The following PPM1D variants were observed in gnomAD, a reference collection of about 807,000 sequenced individuals.
PPM1D encodes the protein protein phosphatase 1D.
A neutral mutation model predicts 58.3 loss-of-function variants in PPM1D; 52 were observed. That is an observed-to-expected ratio of 0.89 (90% CI 0.71 to 1.12). The LOEUF is 1.12. Among genes scored for constraint, PPM1D ranks in the 50% most tolerant of loss-of-function variants. The pLI is 0.00. For synonymous variants in PPM1D, 278 were observed against 285.1 expected (o/e 0.98, Z 0.25); for missense variants, 564 against 777.2 (o/e 0.73, Z 3.26).
chr17:60,630,274 C>T (rs534892748), intron 2 of PPM1D, among the ~76,000 whole-genome samples: 2 of 151,910 alleles, frequency 1.3e-5, no homozygotes, highest in East Asian at 1.9e-4. Context: ...TTAAAAATAC[C>T]TTTCTTGACT....
intron 1 of PPM1D, among the ~76,000 whole-genome samples, chr17:60,614,034 C>T (rs1295193340): frequency 2.1e-5 from 1 of 47,058 alleles, no homozygotes; most frequent in African/African-American, 3.1e-5. Flanking sequence ...GCGCAAGGCC[C>T]GGGACTGGCA....
In PPM1D at chr17:60,663,461, T is replaced by G. The variant is rs372286382; in HGVS notation, c.1727T>G (p.Val576Gly). The G allele has an allele frequency of 3.7e-6, 6 of 1,614,048 alleles. No homozygotes were observed. The African/African-American group carries it at 6.7e-5, about 18-fold the overall frequency. The change falls in exon 6 of 6, where the codon GTT becomes GGT. Residue 576 changes from valine to glycine, a missense_variant. Around this residue, in one of 7 missense-constraint regions of PPM1D, gnomAD observed 261 missense variants for 270.1 expected, o/e 0.97. Coordinates refer to ENST00000305921, the MANE Select transcript of PPM1D (RefSeq NM_003620.4). ...ACAACCTCACAGCGAAAGAACTCTG[T>G]TAAACTCACCATGCGACGCAGACTT... is the stretch of plus-strand genomic sequence containing the variant. ...LPTTSQRKNS[V>G]KLTMRRRLRG...
intron 3 of PPM1D, among the ~76,000 whole-genome samples, chr17:60,645,622 A>G (rs1449644256): frequency 6.5e-5 from 9 of 139,124 alleles, no homozygotes; most frequent in African/African-American, 2.2e-4. Flanking sequence ...GTATATATAT[A>G]TGTATATGTA....
At chr17:60,629,868 T>C (rs1446453966) in intron 2 of PPM1D, among the ~76,000 whole-genome samples, 1 of 152,210 alleles carries the variant, frequency 6.6e-6, no homozygotes, top group South Asian at 2.1e-4. Context: ...CGAAACCCTA[T>C]CTCTACTAAA....
Position 60,656,723 on chromosome 17 carries a change from A to G in PPM1D, c.1142A>G (p.Asn381Ser), listed in dbSNP as rs781460776. The G allele has an allele frequency of 6.2e-7, 1 of 1,614,198 alleles. No individual in the cohort carries two copies. The highest frequency in any genetic ancestry group is 8.5e-7 in the Non-Finnish European group (1 of 1,180,046). Residue 381 changes from asparagine to serine, a missense_variant, in exon 5 of 6, where the codon AAT (asparagine) becomes AGT (serine). By Grantham distance (46) the Asn-to-Ser change is conservative (BLOSUM62 1). This residue lies in a region of PPM1D where 261 missense variants were observed against 270.1 expected (regional missense o/e 0.97). Coordinates refer to ENST00000305921, the MANE Select transcript of PPM1D (RefSeq NM_003620.4). Reference protein sequence around the residue: ...IVICISPEVDNQGNFTNEDEL... With the variant: ...IVICISPEVDSQGNFTNEDEL... ...ATCTGCATCTCTCCAGAAGTGGACA[A>G]TCAGGGAAACTTTACCAATGAAGAT...
At chr17:60,626,367 G>A (rs2030807550) in intron 2 of PPM1D, among the ~76,000 whole-genome samples, 1 of 150,654 alleles carries the variant, frequency 6.6e-6, no homozygotes, top group African/African-American at 2.4e-5. Flanking sequence ...AAAAAGAGGT[G>A]TCTCAATGAT....
chr17:60,612,702 A>G (rs563250014), intron 1 of PPM1D, among the ~76,000 whole-genome samples: 143 of 152,314 alleles, frequency 9.4e-4, no homozygotes, highest in African/African-American at 3.3e-3. Flanking sequence ...TAGCAGTTTC[A>G]TCAGGGTCTT....
At chr17:60,606,200 GTTCA>G (rs2030326817) in intron 1 of PPM1D, among the ~76,000 whole-genome samples, 2 of 152,146 alleles carry the variant, frequency 1.3e-5, no homozygotes, top group South Asian at 4.1e-4. Context: ...TGTCTTTAGA[GTTCA>G]TTCATATTGT....
intron 3 of PPM1D, among the ~76,000 whole-genome samples, chr17:60,639,135 G>A (rs1286927089): frequency 1.3e-5 from 2 of 151,962 alleles, no homozygotes; most frequent in East Asian, 3.9e-4. Context: ...TTTTTTTTGA[G>A]ACTGAGTTTT....
intron 1 of PPM1D, among the ~76,000 whole-genome samples, chr17:60,620,094 G>A (rs1438654712): frequency 6.6e-6 from 1 of 152,066 alleles, no homozygotes; most frequent in Admixed American, 6.6e-5. Context: ...CACCCCCTGG[G>A]TTCAAACTAT....
chr17:60,609,810 T>C (rs923634189), intron 1 of PPM1D, among the ~76,000 whole-genome samples: 4 of 152,226 alleles, frequency 2.6e-5, no homozygotes, highest in African/African-American at 9.6e-5. Context: ...GCTGGCATAT[T>C]GTTATACTTG....
intron 1 of PPM1D, among the ~76,000 whole-genome samples, chr17:60,607,486 C>G (rs978470921): frequency 5.9e-5 from 9 of 152,132 alleles, no homozygotes; most frequent in African/African-American, 2.2e-4. Flanking sequence ...GAGACTCTGT[C>G]TCTGGGGTTT....
At chr17:60,643,972 C>T (rs2031189218) in intron 3 of PPM1D, among the ~76,000 whole-genome samples, 1 of 148,914 alleles carries the variant, frequency 6.7e-6, no homozygotes, top group Admixed American at 6.8e-5. Context: ...GCTATGTCCG[C>T]TTTCTGGGGT....
Position 60,600,515 on chromosome 17 carries a change from C to A in PPM1D, c.101C>A (p.Thr34Lys). ...CAAATCGTTGTGGAGCCCGAACCGA[C>A]GGCTGAAGAAAAGCCCTCGCCGCGG... Reference protein sequence around the residue: ...VTQIVVEPEPTAEEKPSPRRS... With the variant: ...VTQIVVEPEPKAEEKPSPRRS... The change falls in exon 1 of 6, where the codon ACG (threonine) becomes AAG (lysine). Residue 34 changes from threonine (T) to lysine (K), a missense_variant. By Grantham distance (78) the Thr-to-Lys change is moderately conservative (BLOSUM62 -1). Coordinates refer to ENST00000305921, the MANE Select transcript of PPM1D (RefSeq NM_003620.4). 6.4e-7 allele frequency: 1 copy of A among 1,565,904 alleles called. No homozygotes were observed.
intron 4 of PPM1D, among the ~76,000 whole-genome samples, chr17:60,651,299 C>A (rs760841731): frequency 5.9e-5 from 9 of 152,034 alleles, no homozygotes; most frequent in Non-Finnish European, 1.0e-4. Flanking sequence ...GAGATTAATG[C>A]TGCCTTTAAT....
intron 1 of PPM1D, among the ~76,000 whole-genome samples, chr17:60,601,644 C>T (rs759921979): frequency 6.6e-6 from 1 of 152,052 alleles, no homozygotes; most frequent in Non-Finnish European, 1.5e-5. Flanking sequence ...CCGGTTGTTC[C>T]TAGTTTAAAA....
chr17:60,645,092 G>A (rs982852493), intron 3 of PPM1D, among the ~76,000 whole-genome samples: 4 of 152,140 alleles, frequency 2.6e-5, no homozygotes, highest in South Asian at 4.1e-4. Context: ...GGTGTCTAAC[G>A]CCTGTAATCC....
chr17:60,632,990 CAAAA>C (rs923440640), intron 2 of PPM1D, among the ~76,000 whole-genome samples: 1 of 151,142 alleles, frequency 6.6e-6, no homozygotes, highest in Admixed American at 6.6e-5. Flanking sequence ...TAAAAATAAA[CAAAA>C]AAACTGGCTG....
chr17:60,651,152 T>C (rs1308899671), intron 4 of PPM1D, among the ~76,000 whole-genome samples: 2 of 151,970 alleles, frequency 1.3e-5, no homozygotes, highest in African/African-American at 2.4e-5. Flanking sequence ...TGGAAAATGG[T>C]TTATATAATT....
Sources: allele counts gnomAD v4.1 joint callset (sites outside exome capture counted in the v4.1 genomes callset), GRCh38; gene constraint gnomAD v4.1.1; regional missense constraint gnomAD v4.1.1; transcripts MANE v1.5; gene names NCBI Gene and HGNC (gene_info 2026-07-23, HGNC 2026-07-21).